TSPAN18: variants seen among roughly 807,000 people sequenced by gnomAD.
TSPAN18 encodes the protein tetraspanin-18.
TSPAN18 carries 14 observed loss-of-function variants against 27.3 expected under a neutral mutation model. The observed-to-expected ratio is 0.51, with a 90% CI of 0.34 to 0.80. The LOEUF is 0.80. TSPAN18 is among the 30% of genes least tolerant of loss of function. The probability of loss-of-function intolerance (pLI) is 0.01; values close to 1 mark genes in which losing one functional copy is unlikely to be tolerated. For missense variants in TSPAN18, 268 were observed against 323.9 expected, an observed-to-expected ratio of 0.83 and a Z score of 1.32; for synonymous variants, 143 against 136.5, an observed-to-expected ratio of 1.05 and a Z score of -0.33.
intron 1 of TSPAN18, among the ~76,000 whole-genome samples, chr11:44,763,361 G>C (rs574724613): frequency 1.3e-5 from 2 of 152,266 alleles, no homozygotes; most frequent in East Asian, 3.9e-4. Context: ...ATGTGGCCTG[G>C]ACATGGTGAA....
intron 1 of TSPAN18, among the ~76,000 whole-genome samples, chr11:44,743,247 C>A (rs1389570090): frequency 6.6e-6 from 1 of 152,098 alleles, no homozygotes; most frequent in Non-Finnish European, 1.5e-5. Context: ...TAAGCCATCA[C>A]CAAGGTTTGC....
intron 3 of TSPAN18, among the ~76,000 whole-genome samples, chr11:44,896,924 G>A (rs1375363708): frequency 6.6e-6 from 1 of 151,980 alleles, no homozygotes. Context: ...GAGTGGGTGG[G>A]TTGAGGGAGG....
At chr11:44,888,279 G>T (rs1858727509) in intron 3 of TSPAN18, among the ~76,000 whole-genome samples, 1 of 152,160 alleles carries the variant, frequency 6.6e-6, no homozygotes. Context: ...TGGGCCACGT[G>T]GGAAGCTTAC....
chr11:44,791,704 C>T (rs964197147), intron 2 of TSPAN18, among the ~76,000 whole-genome samples: 5 of 152,294 alleles, frequency 3.3e-5, no homozygotes, highest in East Asian at 3.9e-4. Flanking sequence ...GGATGGGCTC[C>T]GGGAGCAATG....
intron 1 of TSPAN18, among the ~76,000 whole-genome samples, chr11:44,743,708 C>T (rs2134831491): frequency 6.6e-6 from 1 of 152,354 alleles, no homozygotes; most frequent in South Asian, 2.1e-4. Flanking sequence ...CCAAGGCTTG[C>T]AGCCCTTTCG....
intron 1 of TSPAN18, among the ~76,000 whole-genome samples, chr11:44,744,370 T>G (rs1855021817): frequency 6.6e-6 from 1 of 152,224 alleles, no homozygotes; most frequent in Non-Finnish European, 1.5e-5. Context: ...TGGAAAGAAG[T>G]GAAACAGATG....
intron 1 of TSPAN18, among the ~76,000 whole-genome samples, chr11:44,758,786 T>C (rs996479467): frequency 2.6e-5 from 4 of 152,122 alleles, no homozygotes; most frequent in South Asian, 4.1e-4. Flanking sequence ...TGATGTCACA[T>C]TGGTAGCAAG....
At chr11:44,792,966 T>G (rs915197159) in intron 2 of TSPAN18, among the ~76,000 whole-genome samples, 1 of 152,130 alleles carries the variant, frequency 6.6e-6, no homozygotes, top group Non-Finnish European at 1.5e-5. Context: ...CAAAGTCAAG[T>G]TGTCCCAGAA....
intron 1 of TSPAN18, among the ~76,000 whole-genome samples, chr11:44,731,243 C>G (rs1854647567): frequency 6.6e-6 from 1 of 152,212 alleles, no homozygotes; most frequent in Non-Finnish European, 1.5e-5. Context: ...GTCACAGCCT[C>G]TCTCTGAGCC....
At chr11:44,793,222 C>A (rs1027416834) in intron 2 of TSPAN18, among the ~76,000 whole-genome samples, 2 of 152,190 alleles carry the variant, frequency 1.3e-5, no homozygotes, top group Non-Finnish European at 2.9e-5. Context: ...CACATTGTGG[C>A]AAGGGAGCTG....
intron 2 of TSPAN18, among the ~76,000 whole-genome samples, chr11:44,790,181 G>A (rs375270746): frequency 1.1e-3 from 159 of 150,986 alleles, no homozygotes; most frequent in African/African-American, 3.7e-3. Flanking sequence ...GTGTGTGTGC[G>A]CATATGTGTG....
Position 44,929,217 on chromosome 11 carries a change from C to T in TSPAN18, c.*39C>T, listed in dbSNP as rs775054646. 3.1e-6 allele frequency: 5 copies of T among 1,612,684 alleles called. No homozygotes were observed. The South Asian group carries it at 4.4e-5, about 14-fold the overall frequency. On this transcript the variant is annotated 3_prime_UTR_variant, in exon 10 of 10. Transcript: ENST00000520358. Reference sequence around the variant, plus strand: ...AAGCCTGAAGACTCGCCCCACCCACCACTGCCCAGCACCCAGTGTCCTCCC... The same window carrying T: ...AAGCCTGAAGACTCGCCCCACCCACTACTGCCCAGCACCCAGTGTCCTCCC...
At chr11:44,856,026 GTTGTGTA>G (rs1298245037) in intron 2 of TSPAN18, among the ~76,000 whole-genome samples, 1 of 151,762 alleles carries the variant, frequency 6.6e-6, no homozygotes, top group Non-Finnish European at 1.5e-5. Flanking sequence ...GGGACTACCA[GTTGTGTA>G]CCACCACGCC....
chr11:44,778,619 C>T (rs1855868008), intron 2 of TSPAN18, among the ~76,000 whole-genome samples: 1 of 152,170 alleles, frequency 6.6e-6, no homozygotes, highest in African/African-American at 2.4e-5. Flanking sequence ...CTCACTTGGT[C>T]TCTGAGGACT....
At chr11:44,843,024 A>C (rs1857405803) in intron 2 of TSPAN18, among the ~76,000 whole-genome samples, 1 of 152,086 alleles carries the variant, frequency 6.6e-6, no homozygotes, top group Non-Finnish European at 1.5e-5. Context: ...GGAATCATAC[A>C]GTGTGCATTC....
intron 1 of TSPAN18, among the ~76,000 whole-genome samples, chr11:44,746,261 T>A (rs1855074662): frequency 6.6e-6 from 1 of 152,152 alleles, no homozygotes; most frequent in Admixed American, 6.5e-5. Context: ...TGCTTCTCTC[T>A]GGGACTCCCA....
At chr11:44,900,901 G>A (rs920866631) in intron 3 of TSPAN18, among the ~76,000 whole-genome samples, 2 of 151,772 alleles carry the variant, frequency 1.3e-5, no homozygotes, top group South Asian at 4.2e-4. Context: ...TGCCATGTTG[G>A]CCAAGTTGGT....
At chr11:44,760,794 G>C (rs1401129445) in intron 1 of TSPAN18, among the ~76,000 whole-genome samples, 1 of 152,112 alleles carries the variant, frequency 6.6e-6, no homozygotes, top group East Asian at 1.9e-4. Flanking sequence ...CAGATTCTAA[G>C]GCACACTTTT....
chr11:44,738,931 AC>A (rs1179168098), intron 1 of TSPAN18, among the ~76,000 whole-genome samples: 1 of 152,082 alleles, frequency 6.6e-6, no homozygotes, highest in African/African-American at 2.4e-5. Flanking sequence ...GGAGTGTAAA[AC>A]CCAGGTAGTC....
Sources: gnomAD v4.1 joint callset for allele counts (sites outside exome capture counted in the v4.1 genomes callset) on GRCh38, gnomAD v4.1.1 for gene constraint, MANE v1.5 for transcripts, NCBI Gene and HGNC (gene_info 2026-07-23, HGNC 2026-07-21) for gene names.